The following PDE6D variants were observed in gnomAD, a reference collection of about 807,000 sequenced individuals.
The protein encoded by PDE6D is phosphodiesterase 6D.
In PDE6D, 10 loss-of-function variants were observed where a neutral mutation model predicts 21.9. That is an observed-to-expected ratio of 0.46 (90% CI 0.28 to 0.78). PDE6D has a LOEUF of 0.78. Among genes scored for constraint, PDE6D ranks in the 30% least tolerant of loss-of-function variants. PDE6D has a pLI of 0.12. For missense variants in PDE6D, 139 were observed against 184.8 expected (o/e 0.75, Z 1.44); for synonymous variants, 59 against 63.5 (o/e 0.93, Z 0.34).
intron 1 of PDE6D, among the ~76,000 whole-genome samples, chr2:231,749,644 G>A (rs1314382071): frequency 6.6e-6 from 1 of 151,614 alleles, no homozygotes; most frequent in Admixed American, 6.6e-5. Context: ...TGATTCTTCT[G>A]CCTCAGCCTC....
intron 1 of PDE6D, among the ~76,000 whole-genome samples, chr2:231,750,659 A>C (rs2048832229): frequency 1.0e-5 from 1 of 99,920 alleles, no homozygotes; most frequent in Non-Finnish European, 1.9e-5. Flanking sequence ...ATGCTCATCT[A>C]ATTTTTTTTT....
At chr2:231,759,129 G>A (rs534741463) in intron 1 of PDE6D, among the ~76,000 whole-genome samples, 13 of 151,986 alleles carry the variant, frequency 8.6e-5, no homozygotes, top group Admixed American at 5.2e-4. Context: ...ACCAGCCTGG[G>A]TAACATAGGG....
intron 1 of PDE6D, among the ~76,000 whole-genome samples, chr2:231,750,196 G>A (rs914694648): frequency 5.3e-5 from 8 of 152,056 alleles, no homozygotes; most frequent in Admixed American, 4.6e-4. Flanking sequence ...TTCGCCTCCC[G>A]CCATGATTGT....
At chr2:231,765,765 C>G (rs991590264) in intron 1 of PDE6D, among the ~76,000 whole-genome samples, 1 of 152,128 alleles carries the variant, frequency 6.6e-6, no homozygotes, top group Non-Finnish European at 1.5e-5. Context: ...GGCTGTCTGT[C>G]TTTACTCTGT....
intron 4 of PDE6D, among the ~76,000 whole-genome samples, chr2:231,734,858 C>CAA (rs113833054): frequency 0.096 from 10,246 of 106,940 alleles, 450 homozygotes; most frequent in Non-Finnish European, 0.11. Flanking sequence ...AAAAAAAAAA[C>CAA]AAAAAAAAAA....
intron 1 of PDE6D, among the ~76,000 whole-genome samples, chr2:231,741,488 A>T (rs1372678474): frequency 6.6e-6 from 1 of 152,234 alleles, no homozygotes; most frequent in Non-Finnish European, 1.5e-5. Flanking sequence ...CCCCTGAGTG[A>T]CAGTGAAGGA....
chr2:231,738,919 CAAAAAAAA>C (rs1157734125), intron 2 of PDE6D, among the ~76,000 whole-genome samples, 173 bp downstream of exon 2: 1 of 62,648 alleles, frequency 1.6e-5, no homozygotes, highest in Non-Finnish European at 2.8e-5. Flanking sequence ...GACTGTGTCT[CAAAAAAAA>C]AAAAAAAAAA....
At chr2:231,738,382 G>A (rs1349538053) in intron 2 of PDE6D, among the ~76,000 whole-genome samples, 1 of 152,286 alleles carries the variant, frequency 6.6e-6, no homozygotes, top group South Asian at 2.1e-4. Context: ...AGGAACACCA[G>A]GTTTTGTGCA....
intron 1 of PDE6D, among the ~76,000 whole-genome samples, chr2:231,763,370 T>C (rs1321995811): frequency 6.6e-6 from 1 of 152,160 alleles, no homozygotes; most frequent in East Asian, 1.9e-4. Context: ...TGCCTACTAC[T>C]ATAATCATTC....
chr2:231,755,027 T>C (rs1291446860), intron 1 of PDE6D, among the ~76,000 whole-genome samples: 1 of 152,166 alleles, frequency 6.6e-6, no homozygotes, highest in Non-Finnish European at 1.5e-5. Context: ...GGAATCTTCA[T>C]GAATGGGATC....
chr2:231,738,684 G>A (rs2048723134), intron 2 of PDE6D, among the ~76,000 whole-genome samples: 2 of 152,094 alleles, frequency 1.3e-5, no homozygotes, highest in South Asian at 2.1e-4. Flanking sequence ...GGGAGGCTGA[G>A]GCGGGCAGAT....
intron 1 of PDE6D, among the ~76,000 whole-genome samples, chr2:231,768,844 G>C (rs1185402050): frequency 6.6e-6 from 1 of 152,032 alleles, no homozygotes; most frequent in African/African-American, 2.4e-5. Flanking sequence ...TATAATACAA[G>C]TTATTTGGTC....
At chr2:231,748,463 A>G (rs1046376087) in intron 1 of PDE6D, among the ~76,000 whole-genome samples, 9 of 152,208 alleles carry the variant, frequency 5.9e-5, no homozygotes, top group African/African-American at 1.9e-4. Context: ...GGTGCTGTTA[A>G]AGGCATTCAG....
chr2:231,755,310 A>C (rs1041488896), intron 1 of PDE6D, among the ~76,000 whole-genome samples: 1 of 152,232 alleles, frequency 6.6e-6, no homozygotes, highest in Admixed American at 6.5e-5. Context: ...TCATAATGAA[A>C]TAAAGAACAA....
At position 231,766,950 on chromosome 2, in the gene PDE6D, C is replaced by T. The variant is rs554012495; in HGVS notation, c.50+14115G>A. ...CGGAGGTTGCAGGGAGCTGAGATCACGCCACTGCACTCCAGCCTGGGTGAC... is the reference window on the plus strand; with the variant it reads ...CGGAGGTTGCAGGGAGCTGAGATCATGCCACTGCACTCCAGCCTGGGTGAC... On this transcript the variant is annotated intron_variant, in intron 1 of 4. Transcript: ENST00000287600. Among the ~76,000 whole-genome samples, 12 of 146,082 alleles carry T rather than the reference C, an allele frequency of 8.2e-5. No homozygotes were observed. In the South Asian group the frequency reaches 1.5e-3, roughly 18 times the overall value.
intron 1 of PDE6D, among the ~76,000 whole-genome samples, chr2:231,760,496 A>C (rs528242378): frequency 6.6e-6 from 1 of 152,302 alleles, no homozygotes; most frequent in South Asian, 2.1e-4. Flanking sequence ...CATTGCTAAA[A>C]GGTCACAAAG....
intron 1 of PDE6D, among the ~76,000 whole-genome samples, chr2:231,769,520 TCTCTCTCTCA>T (rs1412229725): frequency 6.6e-6 from 1 of 151,532 alleles, no homozygotes; most frequent in African/African-American, 2.4e-5. Context: ...GCTCTCTCTC[TCTCTCTCTCA>T]CACACACACA....
chr2:231,779,737 G>A (rs966103112), intron 1 of PDE6D, among the ~76,000 whole-genome samples: 11 of 152,172 alleles, frequency 7.2e-5, no homozygotes, highest in Admixed American at 7.2e-4. Context: ...GTATGCAAAG[G>A]TGATACAGCC....
intron 1 of PDE6D, 104 bp downstream of exon 1, chr2:231,780,961 C>T (rs1183639600): frequency 1.9e-6 from 2 of 1,063,562 alleles, no homozygotes; most frequent in Non-Finnish European, 2.8e-6. Flanking sequence ...CGCGGCCCTT[C>T]TTCTGTGGGG....
Sources: gnomAD v4.1 joint callset for allele counts (sites outside exome capture counted in the v4.1 genomes callset) on GRCh38, gnomAD v4.1.1 for gene constraint, MANE v1.5 for transcripts, NCBI Gene and HGNC (gene_info 2026-07-23, HGNC 2026-07-21) for gene names.